NCOR1: variants seen among roughly 807,000 people sequenced by gnomAD.
NCOR1 encodes the protein protein phosphatase 1, regulatory subunit 109.
Under a neutral mutation model 288.1 loss-of-function variants are expected in NCOR1, and 63 were observed. That is an observed-to-expected ratio of 0.22 (90% CI 0.18 to 0.27). The LOEUF is 0.27. Ranked by LOEUF, NCOR1 falls within the 10% of genes least tolerant of loss-of-function variation. The probability of loss-of-function intolerance (pLI) is 1.00; values close to 1 mark genes in which losing one functional copy is unlikely to be tolerated. For missense variants in NCOR1, 2,397 were observed against 3,019.2 expected, an observed-to-expected ratio of 0.79 and a Z score of 4.83; for synonymous variants, 1,007 against 1,065.9, an observed-to-expected ratio of 0.94 and a Z score of 1.08.
chr17:16,188,302 A>G (rs1439377760), intron 2 of NCOR1, among the ~76,000 whole-genome samples: 1 of 152,170 alleles, frequency 6.6e-6, no homozygotes, highest in Admixed American at 6.6e-5. Context: ...AGTTGAAAAC[A>G]TAAAAAAACC....
At chr17:16,083,347 G>A (rs1411341407) in intron 23 of NCOR1, among the ~76,000 whole-genome samples, 2 of 133,896 alleles carry the variant, frequency 1.5e-5, no homozygotes, top group African/African-American at 5.6e-5. Flanking sequence ...TGCAAAGCAA[G>A]ACTTTGTCCA....
At chr17:16,054,337 A>C (rs997618834) in intron 40 of NCOR1, among the ~76,000 whole-genome samples, 5 of 152,164 alleles carry the variant, frequency 3.3e-5, no homozygotes, top group African/African-American at 1.2e-4. Flanking sequence ...GCATGTATAA[A>C]GAGCTTAAAC....
At chr17:16,195,811 G>A (rs1315860081) in intron 1 of NCOR1, among the ~76,000 whole-genome samples, 2 of 152,176 alleles carry the variant, frequency 1.3e-5, no homozygotes, top group Non-Finnish European at 1.5e-5. Flanking sequence ...AACAGGTACT[G>A]TTATACTCCT....
In NCOR1 at chr17:16,112,536, G is replaced by A. The variant is rs139824535; in HGVS notation, c.2056-3624C>T. 4.2e-3 allele frequency among the ~76,000 whole-genome samples: 633 copies of A among 152,082 alleles called. 7 individuals are homozygous for A. The highest frequency in any genetic ancestry group is 0.015 in the African/African-American group (609 of 41,478). On this transcript the variant is annotated intron_variant, in intron 18 of 45. Transcript: ENST00000268712. ...TTTTGAGACGGAGTCTCACTCTGTC[G>A]CCCGGCTGGAGTACAGTGGCGCGAT...
intron 6 of NCOR1, among the ~76,000 whole-genome samples, chr17:16,154,795 CAA>C (rs1282840509): frequency 6.6e-6 from 1 of 152,128 alleles, no homozygotes; most frequent in Non-Finnish European, 1.5e-5. Context: ...GCGTGAGACT[CAA>C]TAACTATGTG....
chr17:16,152,423 G>A (rs1041054920), intron 7 of NCOR1, among the ~76,000 whole-genome samples: 13 of 150,934 alleles, frequency 8.6e-5, no homozygotes, highest in East Asian at 2.0e-4. Context: ...CTGTCCTTGC[G>A]ACAGTTTGCT....
At chr17:16,044,168 CAAAAAAAAAAA>C (rs34691717) in intron 42 of NCOR1, among the ~76,000 whole-genome samples, 1 of 82,796 alleles carries the variant, frequency 1.2e-5, no homozygotes, top group South Asian at 5.1e-4. Context: ...GACTCCATCT[CAAAAAAAAAAA>C]AAAAAAAAAG....
intron 9 of NCOR1, among the ~76,000 whole-genome samples, chr17:16,148,682 A>AC (rs2078386777): frequency 1.3e-5 from 2 of 149,796 alleles, no homozygotes; most frequent in Admixed American, 6.7e-5. Flanking sequence ...AAAAAAAAAA[A>AC]AAAAAAAACA....
chr17:16,125,166 T>A (rs1160718885), intron 15 of NCOR1, among the ~76,000 whole-genome samples: 1 of 151,400 alleles, frequency 6.6e-6, no homozygotes, highest in Non-Finnish European at 1.5e-5. Context: ...GAGTTCAAGA[T>A]CAGCCTGGGC....
chr17:16,176,318 G>C (rs1010208904), intron 3 of NCOR1, among the ~76,000 whole-genome samples: 1 of 152,182 alleles, frequency 6.6e-6, no homozygotes, highest in Non-Finnish European at 1.5e-5. Context: ...TCCCAGGCTA[G>C]AGTACAGTGG....
chr17:16,069,658 A>G (rs1003788004), intron 31 of NCOR1, among the ~76,000 whole-genome samples: 2 of 152,214 alleles, frequency 1.3e-5, no homozygotes, highest in African/African-American at 4.8e-5. Context: ...AGTTCTTTAC[A>G]TGTACTACCT....
intron 41 of NCOR1, 134 bp from the exon 42 acceptor site, chr17:16,047,227 T>C: frequency 1.2e-6 from 1 of 840,884 alleles, no homozygotes; most frequent in Non-Finnish European, 1.8e-6. Context: ...GTTACAGCCC[T>C]AAGAAACAGT....
intron 9 of NCOR1, among the ~76,000 whole-genome samples, chr17:16,148,681 A>AC (rs1337234700): frequency 2.0e-5 from 3 of 149,876 alleles, no homozygotes; most frequent in Admixed American, 6.6e-5. Context: ...AAAAAAAAAA[A>AC]AAAAAAAAAC....
intron 19 of NCOR1, among the ~76,000 whole-genome samples, chr17:16,104,165 G>T (rs2068143427): frequency 6.6e-6 from 1 of 152,154 alleles, no homozygotes; most frequent in Non-Finnish European, 1.5e-5. Flanking sequence ...TGAAGACAGA[G>T]ATCATTTATT....
intron 10 of NCOR1, among the ~76,000 whole-genome samples, chr17:16,145,704 G>T (rs972825759): frequency 1.3e-4 from 20 of 151,450 alleles, no homozygotes; most frequent in Non-Finnish European, 2.4e-4. Context: ...CAGCCGCCCA[G>T]TCCGGGAGGT....
rs2067020854 is a variant in NCOR1 at position 16,098,398 on chromosome 17, A to G, written c.2789T>C (p.Leu930Pro). ...LKPNPLDLPQ[L>P]QHRAAVIPPM... ...TGGGATAACAGCAGCTCGATGCTGA[A>G]GCTGTGGCAGATCCAGTGGATTTGG... Residue 930 changes from leucine to proline, a missense_variant, in exon 21 of 46, where the codon CTT becomes CCT. Leu to Pro is a moderately conservative substitution (Grantham distance 98). Around this residue, in one of 11 missense-constraint regions of NCOR1, gnomAD observed 1,872 missense variants for 2,187.8 expected, o/e 0.86. Transcript: ENST00000268712. The G allele has an allele frequency of 6.2e-7, 1 of 1,614,034 alleles. No individual in the cohort carries two copies. Among genetic ancestry groups the G allele is most frequent in the South Asian group, 1.1e-5 (1 of 91,082 alleles).
chr17:16,059,928 T>A (rs1474804641), intron 37 of NCOR1, among the ~76,000 whole-genome samples: 8 of 152,198 alleles, frequency 5.3e-5, no homozygotes, highest in Non-Finnish European at 1.2e-4. Context: ...CTAAAATAAA[T>A]CACTATATTC....
intron 14 of NCOR1, among the ~76,000 whole-genome samples, chr17:16,127,663 A>G (rs1045068289): frequency 2.1e-5 from 3 of 142,220 alleles, no homozygotes; most frequent in African/African-American, 8.5e-5. Flanking sequence ...ATATATACAT[A>G]TATGTATATA....
chr17:16,168,897 T>C (rs1233505796), intron 4 of NCOR1, among the ~76,000 whole-genome samples: 1 of 149,862 alleles, frequency 6.7e-6, no homozygotes, highest in Admixed American at 6.7e-5. Context: ...CTGGGAGGTA[T>C]AGGTTGCAGT....
Sources: allele counts gnomAD v4.1 joint callset (sites outside exome capture counted in the v4.1 genomes callset), GRCh38; gene constraint gnomAD v4.1.1; regional missense constraint gnomAD v4.1.1; transcripts MANE v1.5; gene names NCBI Gene and HGNC (gene_info 2026-07-23, HGNC 2026-07-21).